FHIT: variants seen among roughly 807,000 people sequenced by gnomAD.
The protein encoded by FHIT is bis(5'-adenosyl)-triphosphatase.
A neutral mutation model predicts 17.9 loss-of-function variants in FHIT; 19 were observed. The observed-to-expected ratio is 1.06, with a 90% CI of 0.74 to 1.56. FHIT has a LOEUF of 1.56. Ranked by LOEUF, FHIT falls within the 40% of genes most tolerant of loss-of-function variation. The pLI is 0.00. For synonymous variants in FHIT, 81 were observed against 69.7 expected (o/e 1.16, Z -0.81); for missense variants, 248 against 189.2 (o/e 1.31, Z -1.82).
At chr3:60,352,363 C>T (rs1171137743) in intron 5 of FHIT, among the ~76,000 whole-genome samples, 1 of 152,150 alleles carries the variant, frequency 6.6e-6, no homozygotes, top group Non-Finnish European at 1.5e-5. Flanking sequence ...CAACTCAACA[C>T]ATGTTAAAAT....
chr3:60,278,578 A>G (rs1312185315), intron 5 of FHIT, among the ~76,000 whole-genome samples: 1 of 152,144 alleles, frequency 6.6e-6, no homozygotes, highest in Non-Finnish European at 1.5e-5. Flanking sequence ...CACAGACTCT[A>G]TTGAATAAGG....
At chr3:60,926,982 G>A (rs575546513) in intron 3 of FHIT, among the ~76,000 whole-genome samples, 2 of 152,046 alleles carry the variant, frequency 1.3e-5, no homozygotes, top group East Asian at 1.9e-4. Context: ...TTTCATCTCC[G>A]TCTCCCGCTT....
intron 5 of FHIT, among the ~76,000 whole-genome samples, chr3:60,322,816 C>G (rs1051984497): frequency 6.6e-6 from 1 of 152,062 alleles, no homozygotes; most frequent in Non-Finnish European, 1.5e-5. Flanking sequence ...TATCACATTA[C>G]AAAGACAGAA....
chr3:60,644,764 T>G (rs1256011555), intron 4 of FHIT, among the ~76,000 whole-genome samples: 4 of 152,200 alleles, frequency 2.6e-5, no homozygotes, highest in African/African-American at 9.6e-5. Flanking sequence ...ACAACCATGT[T>G]GCTTTTGTAT....
intron 3 of FHIT, among the ~76,000 whole-genome samples, chr3:60,880,289 A>C (rs1704897556): frequency 6.6e-6 from 1 of 152,244 alleles, no homozygotes; most frequent in Non-Finnish European, 1.5e-5. Flanking sequence ...TATCCTTTAG[A>C]AATGAGGAAG....
chr3:59,798,854 A>T (rs1308061893), intron 8 of FHIT, among the ~76,000 whole-genome samples: 1 of 152,246 alleles, frequency 6.6e-6, no homozygotes, highest in African/African-American at 2.4e-5. Flanking sequence ...TCTAACAAAC[A>T]CTGTGGCTGG....
At chr3:60,804,935 A>T (rs1701331313) in intron 4 of FHIT, among the ~76,000 whole-genome samples, 1 of 152,212 alleles carries the variant, frequency 6.6e-6, no homozygotes, top group Non-Finnish European at 1.5e-5. Context: ...ACTGTGTTTT[A>T]CTTGCCTGTT....
chr3:61,213,634 C>T (rs1237673506), intron 1 of FHIT, among the ~76,000 whole-genome samples: 1 of 152,218 alleles, frequency 6.6e-6, no homozygotes, highest in Non-Finnish European at 1.5e-5. Context: ...AGGTATTGAA[C>T]TCAGCTCTGC....
intron 4 of FHIT, among the ~76,000 whole-genome samples, chr3:60,787,455 T>C (rs1219622304): frequency 6.6e-6 from 1 of 152,246 alleles, no homozygotes; most frequent in African/African-American, 2.4e-5. Flanking sequence ...ATCACTGTTG[T>C]AATTAGGTAA....
intron 4 of FHIT, among the ~76,000 whole-genome samples, chr3:60,571,169 C>A (rs71313782): frequency 6.6e-6 from 1 of 151,558 alleles, no homozygotes; most frequent in Non-Finnish European, 1.5e-5. Flanking sequence ...CTCCCCGTCT[C>A]TACTAAAAAT....
chr3:60,411,401 G>T (rs140747850), intron 5 of FHIT, among the ~76,000 whole-genome samples: 1 of 152,104 alleles, frequency 6.6e-6, no homozygotes, highest in Non-Finnish European at 1.5e-5. Context: ...TCCACTTAAT[G>T]TGTCTAGAAG....
At chr3:60,605,773 T>C (rs2682971) in intron 4 of FHIT, among the ~76,000 whole-genome samples, 10,075 of 152,204 alleles carry the variant, frequency 0.066, 436 homozygotes, top group African/African-American at 0.12. Context: ...CACCTGGTTC[T>C]TGCCTATGAG....
chr3:59,780,556 A>G (rs545617994), intron 8 of FHIT, among the ~76,000 whole-genome samples: 2 of 152,290 alleles, frequency 1.3e-5, no homozygotes, highest in South Asian at 2.1e-4. Flanking sequence ...CTTCCCCAAA[A>G]TTCATTAACA....
At chr3:60,698,235 T>A (rs1553701196) in intron 4 of FHIT, among the ~76,000 whole-genome samples, 1 of 151,692 alleles carries the variant, frequency 6.6e-6, no homozygotes, top group African/African-American at 2.4e-5. Context: ...GAGTGTGGCT[T>A]TTTTTTTCCT....
intron 5 of FHIT, among the ~76,000 whole-genome samples, chr3:60,307,807 T>C (rs1347804128): frequency 6.6e-6 from 1 of 152,012 alleles, no homozygotes; most frequent in Non-Finnish European, 1.5e-5. Context: ...ATGCTGTCTG[T>C]GCCCAGACCC....
At chr3:60,071,375 G>A (rs2630198) in intron 5 of FHIT, among the ~76,000 whole-genome samples, 48,221 of 151,978 alleles carry the variant, frequency 0.32, 8,512 homozygotes, top group African/African-American at 0.47. Flanking sequence ...GGTGACTACC[G>A]GAAAAACTAA....
At chr3:59,892,278 G>A (rs943382763) in intron 8 of FHIT, among the ~76,000 whole-genome samples, 2 of 152,198 alleles carry the variant, frequency 1.3e-5, no homozygotes, top group South Asian at 4.1e-4. Context: ...GCGCTCAGGA[G>A]TCCAGTTCCC....
In FHIT at chr3:60,072,401, A is replaced by T. The variant is rs532846787; in HGVS notation, c.104-58249T>A. 2.0e-5 allele frequency among the ~76,000 whole-genome samples: 3 copies of T among 152,302 alleles called. No homozygotes were observed. In the South Asian group the frequency reaches 6.2e-4, roughly 32 times the overall value. ...AAACCTTGTGGCCCATACCATATCA[A>T]CAACAAAATAAAGAAACCAACCAAG... On this transcript the variant is annotated intron_variant, in intron 5 of 9. Transcript: ENST00000492590.
At chr3:61,039,505 A>G (rs1434936000) in intron 3 of FHIT, among the ~76,000 whole-genome samples, 1 of 152,178 alleles carries the variant, frequency 6.6e-6, no homozygotes, top group African/African-American at 2.4e-5. Context: ...CATATACACC[A>G]TAGAATACTA....
Sources: allele counts gnomAD v4.1 joint callset (sites outside exome capture counted in the v4.1 genomes callset), GRCh38; gene constraint gnomAD v4.1.1; transcripts MANE v1.5; gene names NCBI Gene and HGNC (gene_info 2026-07-23, HGNC 2026-07-21).